Variants in DDC observed in about 807,000 individuals in gnomAD.
The protein encoded by DDC is aromatic-L-amino-acid decarboxylase.
A neutral mutation model predicts 60.0 loss-of-function variants in DDC; 43 were observed. That is an observed-to-expected ratio of 0.72 (90% CI 0.56 to 0.92). The LOEUF (loss-of-function observed/expected upper bound fraction) is 0.92. DDC is among the 40% of genes least tolerant of loss of function. The probability of loss-of-function intolerance (pLI) is 0.00; values close to 1 mark genes in which losing one functional copy is unlikely to be tolerated. For synonymous variants in DDC, 232 were observed against 234.6 expected (o/e 0.99, Z 0.10); for missense variants, 573 against 620.2 (o/e 0.92, Z 0.81).
chr7:50,553,140 G>C (rs1039078915), intron 1 of DDC, among the ~76,000 whole-genome samples: 2 of 152,222 alleles, frequency 1.3e-5, no homozygotes, highest in East Asian at 3.8e-4. Flanking sequence ...CACAAGCCCG[G>C]AGTGGGGATG....
chr7:50,492,901 C>T, intron 9 of DDC: 1 of 1,594,908 alleles, frequency 6.3e-7, no homozygotes, highest in Non-Finnish European at 8.5e-7. Context: ...GGGGCATCAG[C>T]TCTGCGGCAG....
At chr7:50,529,742 C>T (rs1305221195) in intron 4 of DDC, among the ~76,000 whole-genome samples, 2 of 152,164 alleles carry the variant, frequency 1.3e-5, no homozygotes, top group Non-Finnish European at 2.9e-5. Flanking sequence ...TCGGACAGAG[C>T]GATTTGCATT....
chr7:50,516,741 G>A (rs2043742174), intron 6 of DDC, among the ~76,000 whole-genome samples: 1 of 152,054 alleles, frequency 6.6e-6, no homozygotes, highest in Non-Finnish European at 1.5e-5. Flanking sequence ...AAACGAAACA[G>A]GAGATATTAC....
chr7:50,480,162 G>A (rs1034889437), intron 9 of DDC, among the ~76,000 whole-genome samples: 4 of 152,310 alleles, frequency 2.6e-5, no homozygotes, highest in Admixed American at 6.5e-5. Context: ...GGGTCTCCTC[G>A]ATGGCTTCCA....
intron 4 of DDC, among the ~76,000 whole-genome samples, chr7:50,535,394 GC>G (rs2044369869): frequency 6.6e-6 from 1 of 152,184 alleles, no homozygotes; most frequent in Non-Finnish European, 1.5e-5. Flanking sequence ...TGATCTGCCT[GC>G]CTTGGCCTCA....
At chr7:50,521,859 C>T (rs1337128570) in intron 6 of DDC, among the ~76,000 whole-genome samples, 6 of 152,042 alleles carry the variant, frequency 3.9e-5, no homozygotes, top group African/African-American at 7.2e-5. Context: ...TGTTTTCCTA[C>T]GAAGATCAGG....
chr7:50,518,307 A>T (rs919985729), intron 6 of DDC, among the ~76,000 whole-genome samples: 1 of 152,198 alleles, frequency 6.6e-6, no homozygotes, highest in Non-Finnish European at 1.5e-5. Context: ...AAATGACCAT[A>T]CTACCAAAAG....
intron 9 of DDC, among the ~76,000 whole-genome samples, chr7:50,485,662 A>C (rs998437519): frequency 6.6e-5 from 10 of 152,242 alleles, no homozygotes; most frequent in Non-Finnish European, 1.5e-4. Flanking sequence ...TGGTTCTTAC[A>C]AGTGTCCTTA....
At chr7:50,470,328 C>T (rs909571817) in intron 11 of DDC, among the ~76,000 whole-genome samples, 157 bp from the exon 12 acceptor site, 5 of 152,342 alleles carry the variant, frequency 3.3e-5, no homozygotes, top group Admixed American at 2.0e-4. Context: ...GCAGGGCCCT[C>T]GGTGATGTGG....
intron 6 of DDC, among the ~76,000 whole-genome samples, chr7:50,513,362 G>A (rs1271642795): frequency 2.0e-5 from 3 of 152,184 alleles, no homozygotes; most frequent in Non-Finnish European, 2.9e-5. Context: ...CATTCCTGCT[G>A]GCACCACAGG....
intron 6 of DDC, among the ~76,000 whole-genome samples, chr7:50,519,605 G>A (rs1290060349): frequency 6.6e-6 from 1 of 152,186 alleles, no homozygotes; most frequent in East Asian, 1.9e-4. Context: ...ACCTGGATAA[G>A]ATTGGACACA....
At chr7:50,461,658 G>T (rs1369718572) in intron 14 of DDC, among the ~76,000 whole-genome samples, 4 of 152,248 alleles carry the variant, frequency 2.6e-5, no homozygotes, top group African/African-American at 9.6e-5. Flanking sequence ...TGCGAGTCGG[G>T]AGCGTTTGCC....
intron 4 of DDC, among the ~76,000 whole-genome samples, chr7:50,533,714 A>T (rs2044294250): frequency 6.6e-6 from 1 of 152,236 alleles, no homozygotes; most frequent in South Asian, 2.1e-4. Context: ...AATCTGTGGA[A>T]AATTGAAGTC....
intron 6 of DDC, among the ~76,000 whole-genome samples, chr7:50,504,709 CTGTG>C (rs1221409261): frequency 6.6e-6 from 1 of 151,744 alleles, no homozygotes; most frequent in Non-Finnish European, 1.5e-5. Flanking sequence ...GTGTGTGTGT[CTGTG>C]TGTGTGCACG....
chr7:50,544,027 T>C lies in DDC; in HGVS notation c.59A>G (p.Tyr20Cys). ...GKEMVDYMAN[Y>C]MEGIEGRQVY... ...CTGGCGTCCCTCAATGCCTTCCATGTAGTTGGCCATGTAATCCACCATCTC... is the reference window on the plus strand; with the variant it reads ...CTGGCGTCCCTCAATGCCTTCCATGCAGTTGGCCATGTAATCCACCATCTC... Residue 20 changes from tyrosine (Y) to cysteine (C), a missense_variant, in exon 2 of 15, where the codon TAC (tyrosine) becomes TGC (cysteine). Tyr to Cys is a radical substitution (Grantham distance 194). Coordinates refer to ENST00000444124, the MANE Select transcript of DDC (RefSeq NM_001082971.2). 3 of 1,614,194 alleles carry C rather than the reference T, an allele frequency of 1.9e-6. No homozygotes were observed. Among genetic ancestry groups the C allele is most frequent in the Non-Finnish European group, 2.5e-6 (3 of 1,180,028 alleles).
chr7:50,504,474 A>G (rs1422633026), intron 6 of DDC, among the ~76,000 whole-genome samples: 1 of 151,396 alleles, frequency 6.6e-6, no homozygotes, highest in Non-Finnish European at 1.5e-5. Context: ...TTAACGTTCT[A>G]TGTAACATTA....
At chr7:50,491,723 A>T (rs2043001540) in intron 9 of DDC, among the ~76,000 whole-genome samples, 1 of 152,244 alleles carries the variant, frequency 6.6e-6, no homozygotes, top group Non-Finnish European at 1.5e-5. Context: ...GAGCTGATTT[A>T]CTGGGCGTGA....
At chr7:50,495,237 C>T (rs1286567126) in intron 9 of DDC, 113 bp downstream of exon 9, 3 of 783,820 alleles carry the variant, frequency 3.8e-6, no homozygotes, top group Non-Finnish European at 6.8e-6. Flanking sequence ...GAAAAGGCAG[C>T]AAGCAGTGAG....
intron 1 of DDC, chr7:50,563,880 G>A (rs1041143315): frequency 6.6e-6 from 1 of 152,222 alleles, no homozygotes; most frequent in African/African-American, 2.4e-5. Context: ...GGGATTACAG[G>A]CGTGAGCCAC....
Sources: allele counts gnomAD v4.1 joint callset (sites outside exome capture counted in the v4.1 genomes callset), GRCh38; gene constraint gnomAD v4.1.1; transcripts MANE v1.5; gene names NCBI Gene and HGNC (gene_info 2026-07-23, HGNC 2026-07-21).